GSK3B: variants seen among roughly 807,000 people sequenced by gnomAD.
GSK3B encodes the protein glycogen synthase kinase-3 beta.
GSK3B carries 15 observed loss-of-function variants against 56.4 expected under a neutral mutation model. The ratio of observed to expected loss-of-function variants is 0.27; its 90% CI spans 0.18 to 0.41. GSK3B has a LOEUF of 0.41. GSK3B is among the 10% of genes least tolerant of loss of function. The pLI, the probability that GSK3B is intolerant of heterozygous loss-of-function variation, is 1.00. For synonymous variants in GSK3B, 181 were observed against 188.9 expected, an observed-to-expected ratio of 0.96 and a Z score of 0.34; for missense variants, 300 against 513.4, an observed-to-expected ratio of 0.58 and a Z score of 4.02.
chr3:119,868,363 G>A (rs1259390186), intron 8 of GSK3B, among the ~76,000 whole-genome samples: 1 of 152,142 alleles, frequency 6.6e-6, no homozygotes, highest in Non-Finnish European at 1.5e-5. Flanking sequence ...ATGCAAAGAA[G>A]TCCTTAAATG....
At chr3:120,079,555 C>A (rs1040565050) in intron 1 of GSK3B, among the ~76,000 whole-genome samples, 1 of 151,954 alleles carries the variant, frequency 6.6e-6, no homozygotes, top group Non-Finnish European at 1.5e-5. Flanking sequence ...CCACCGTACC[C>A]GGCTAATTTT....
At chr3:119,840,410 G>T (rs2055755004) in intron 10 of GSK3B, among the ~76,000 whole-genome samples, 1 of 152,024 alleles carries the variant, frequency 6.6e-6, no homozygotes, top group Non-Finnish European at 1.5e-5. Context: ...TTTTAGTAGA[G>T]ACAGGGTATC....
chr3:120,027,240 G>A (rs1321541539), intron 1 of GSK3B, among the ~76,000 whole-genome samples: 1 of 151,392 alleles, frequency 6.6e-6, no homozygotes, highest in East Asian at 2.0e-4. Flanking sequence ...AGCCAGGTGT[G>A]GTGGTGCGTG....
At chr3:119,837,930 C>T (rs1046487595) in intron 10 of GSK3B, among the ~76,000 whole-genome samples, 7 of 114,598 alleles carry the variant, frequency 6.1e-5, no homozygotes, top group South Asian at 3.1e-4. Flanking sequence ...ACATTTCCTA[C>T]GTTGACCATT....
intron 1 of GSK3B, chr3:120,028,877 C>T (rs1429543568): frequency 4.2e-6 from 2 of 478,288 alleles, no homozygotes; most frequent in South Asian, 2.2e-5. Flanking sequence ...TTGGCTTCTT[C>T]GCAAAAATGT....
intron 1 of GSK3B, among the ~76,000 whole-genome samples, chr3:120,052,703 C>A (rs1413426538): frequency 1.3e-5 from 2 of 152,204 alleles, no homozygotes; most frequent in Non-Finnish European, 2.9e-5. Context: ...TGACTCTATT[C>A]CCTTTTCAAA....
At chr3:119,868,972 T>C (rs2056216679) in intron 8 of GSK3B, among the ~76,000 whole-genome samples, 1 of 152,176 alleles carries the variant, frequency 6.6e-6, no homozygotes, top group African/African-American at 2.4e-5. Context: ...AAATCAAGTC[T>C]ACTTAAGTGC....
At chr3:119,867,496 CA>C (rs1323701986) in intron 8 of GSK3B, among the ~76,000 whole-genome samples, 2 of 152,174 alleles carry the variant, frequency 1.3e-5, no homozygotes, top group African/African-American at 2.4e-5. Flanking sequence ...TCCAGCACTA[CA>C]AATTAAACAC....
At chr3:119,967,676 C>T (rs1310965095) in intron 2 of GSK3B, among the ~76,000 whole-genome samples, 1 of 152,134 alleles carries the variant, frequency 6.6e-6, no homozygotes, top group Non-Finnish European at 1.5e-5. Context: ...AAGCTTTGGA[C>T]AACTGGATAT....
At chr3:119,958,278 T>C (rs929296206) in intron 2 of GSK3B, among the ~76,000 whole-genome samples, 4 of 151,780 alleles carry the variant, frequency 2.6e-5, no homozygotes, top group African/African-American at 9.7e-5. Flanking sequence ...CTTTCCTTTA[T>C]AAATTACCCC....
At chr3:119,911,830 T>C (rs895949975) in intron 6 of GSK3B, among the ~76,000 whole-genome samples, 3 of 152,202 alleles carry the variant, frequency 2.0e-5, no homozygotes, top group Non-Finnish European at 4.4e-5. Flanking sequence ...CTTCACAGAA[T>C]TGAAGGGAGT....
rs772218614 is a variant in GSK3B at position 119,821,813 on chromosome 3, T to C, written c.*4975A>G. 12 of 166,912 alleles carry C rather than the reference T, an allele frequency of 7.2e-5. No homozygotes were observed. Among genetic ancestry groups the C allele is most frequent in the Admixed American group, 1.9e-4 (3 of 15,626 alleles). 10.3% of individuals were successfully genotyped at this position (166,912 alleles called of 1,614,324 possible). ...TGGAAAGAACAAGAAGTGGTATTGATATCTTGTTCTGTATAACAAAGATTA... is the reference window on the plus strand; with the variant it reads ...TGGAAAGAACAAGAAGTGGTATTGACATCTTGTTCTGTATAACAAAGATTA... On this transcript the variant is annotated 3_prime_UTR_variant, in exon 11 of 11. Transcript: ENST00000264235.
chr3:119,867,194 A>C (rs2056194553), intron 8 of GSK3B, among the ~76,000 whole-genome samples: 1 of 152,190 alleles, frequency 6.6e-6, no homozygotes, highest in Non-Finnish European at 1.5e-5. Flanking sequence ...ATTACTATAG[A>C]TTTCAAGCCA....
chr3:119,882,764 T>G (rs1004939448), intron 7 of GSK3B, among the ~76,000 whole-genome samples: 3 of 152,304 alleles, frequency 2.0e-5, no homozygotes, highest in Middle Eastern at 3.4e-3. Flanking sequence ...AACTCATTCC[T>G]TTATAAAGAT....
chr3:119,917,518 T>C (rs1485847811), intron 4 of GSK3B, among the ~76,000 whole-genome samples: 1 of 152,124 alleles, frequency 6.6e-6, no homozygotes, highest in African/African-American at 2.4e-5. Flanking sequence ...AAGCTTACTG[T>C]AGGAGTTTAA....
chr3:119,914,887 G>A (rs2056766030), intron 5 of GSK3B, among the ~76,000 whole-genome samples: 1 of 152,106 alleles, frequency 6.6e-6, no homozygotes, highest in African/African-American at 2.4e-5. Context: ...GTATTAACAA[G>A]TGTGGGGCAA....
intron 2 of GSK3B, among the ~76,000 whole-genome samples, chr3:119,998,326 A>C (rs1457624904): frequency 6.6e-6 from 1 of 152,222 alleles, no homozygotes; most frequent in Non-Finnish European, 1.5e-5. Flanking sequence ...AGACCTCAGA[A>C]AGCCCAGTGA....
chr3:119,831,059 T>C (rs535539560), intron 10 of GSK3B, among the ~76,000 whole-genome samples: 2 of 152,332 alleles, frequency 1.3e-5, no homozygotes, highest in East Asian at 1.9e-4. Context: ...AGTCATGTCA[T>C]TTAGCTCACA....
chr3:119,982,161 G>GCATCAA (rs1470522311), intron 2 of GSK3B, among the ~76,000 whole-genome samples: 20 of 151,346 alleles, frequency 1.3e-4, no homozygotes, highest in Non-Finnish European at 2.7e-4. Flanking sequence ...GAAAGGAATA[G>GCATCAA]CATCAACATC....
Sources: allele counts gnomAD v4.1 joint callset (sites outside exome capture counted in the v4.1 genomes callset), GRCh38; gene constraint gnomAD v4.1.1; transcripts MANE v1.5; gene names NCBI Gene and HGNC (gene_info 2026-07-23, HGNC 2026-07-21).